The following CBL variants were observed in gnomAD, a reference collection of about 807,000 sequenced individuals.
CBL encodes Cbl proto-oncogene.
Under a neutral mutation model 96.9 loss-of-function variants are expected in CBL, and 45 were observed. The ratio of observed to expected loss-of-function variants is 0.46; its 90% CI spans 0.37 to 0.60. The LOEUF is 0.60. Among genes scored for constraint, CBL ranks in the 20% least tolerant of loss-of-function variants. The probability of loss-of-function intolerance (pLI) is 0.00; values close to 1 mark genes in which losing one functional copy is unlikely to be tolerated. For missense variants in CBL, 1,024 were observed against 1,143.5 expected (o/e 0.90, Z 1.51); for synonymous variants, 420 against 426.8 (o/e 0.98, Z 0.20).
rs2135244285 is a variant in CBL at position 119,206,623 on chromosome 11, G to A, written c.195+11G>A. 1 of 1,546,196 alleles carries A rather than the reference G, an allele frequency of 6.5e-7. No individual in the cohort carries two copies. Among genetic ancestry groups the A allele is most frequent in the Non-Finnish European group, 8.7e-7 (1 of 1,145,480 alleles). On this transcript the variant is annotated intron_variant, in intron 1 of 15. Transcript: ENST00000264033. The stretch of plus-strand genomic sequence containing the variant: ...AAGCTCATGGACAAGGTGAAAGGCC[G>A]GCTGAGCGCCCGCTGTTGCAGGGTG...
chr11:119,242,997 G>A (rs967916087), intron 2 of CBL, among the ~76,000 whole-genome samples: 2 of 152,032 alleles, frequency 1.3e-5, no homozygotes, highest in African/African-American at 4.8e-5. Context: ...AGAATTTTCA[G>A]CCAGGGGTGG....
intron 3 of CBL, 49 bp from the exon 4 acceptor site, chr11:119,273,819 A>C (rs367625252): frequency 1.3e-6 from 2 of 1,535,594 alleles, no homozygotes; most frequent in Non-Finnish European, 1.8e-6. Flanking sequence ...CGATGCCTGG[A>C]ATTATCTCTG....
At chr11:119,259,557 A>C (rs1279517389) in intron 2 of CBL, among the ~76,000 whole-genome samples, 1 of 152,172 alleles carries the variant, frequency 6.6e-6, no homozygotes, top group Non-Finnish European at 1.5e-5. Context: ...TAGGGGCTCT[A>C]ATGTTCAAGT....
At chr11:119,244,585 T>TTTTTTTTTTTTATTTA (rs1949611573) in intron 2 of CBL, among the ~76,000 whole-genome samples, 2 of 140,674 alleles carry the variant, frequency 1.4e-5, no homozygotes, top group African/African-American at 5.4e-5. Context: ...CGGCTAATTT[T>TTTTTTTTTTTTATTTA]TTTTTTTTTT....
chr11:119,282,499 G>A lies in CBL; in HGVS notation c.1432-2470G>A, dbSNP rs190324730. 1.5e-3 allele frequency among the ~76,000 whole-genome samples: 233 copies of A among 152,286 alleles called. 1 individual carries two copies. The highest frequency in any genetic ancestry group is 5.3e-3 in the African/African-American group (221 of 41,554). On this transcript the variant is annotated intron_variant, in intron 9 of 15. Coordinates refer to ENST00000264033, the MANE Select transcript of CBL (RefSeq NM_005188.4). ...GGGGAAAGGATTTAAAGAATGATAC[G>A]GAAGTCGAAATAATCATTAGAATGT...
At position 119,285,196 on chromosome 11, in the gene CBL, C is replaced by T; in HGVS notation, c.1571C>T (p.Ser524Phe). ...TTCACCCTGCTTCCACAGGCTGCTT[C>T]TGGCTCCCTTCATAAAGACAAACCA... The part of the protein sequence containing the change: ...SALGTASKAA[S>F]GSLHKDKPLP... The change falls in exon 11 of 16, where the codon TCT becomes TTT. Residue 524 changes from serine (S) to phenylalanine (F), a missense_variant. Coordinates refer to ENST00000264033, the MANE Select transcript of CBL (RefSeq NM_005188.4). 1 of 1,614,208 alleles carries T rather than the reference C, an allele frequency of 6.2e-7. No individual in the cohort carries two copies. The highest frequency in any genetic ancestry group is 8.5e-7 in the Non-Finnish European group (1 of 1,180,032).
chr11:119,296,254 T>C (rs1950061666), intron 12 of CBL, among the ~76,000 whole-genome samples: 1 of 152,148 alleles, frequency 6.6e-6, no homozygotes, highest in Non-Finnish European at 1.5e-5. Flanking sequence ...TTTTTGTGTG[T>C]CTTTTTTTCC....
intron 1 of CBL, among the ~76,000 whole-genome samples, chr11:119,225,028 G>A (rs992414425): frequency 9.9e-5 from 15 of 151,736 alleles, no homozygotes; most frequent in African/African-American, 3.6e-4. Context: ...CAAGTACTCC[G>A]TTTTATCCTA....
At position 119,278,199 on chromosome 11, in the gene CBL, A is replaced by G. The variant is rs727502914; in HGVS notation, c.1129A>G (p.Thr377Ala). Residue 377 changes from threonine (T) to alanine (A), a missense_variant, in exon 8 of 16, where the codon ACA becomes GCA. By Grantham distance (58) the Thr-to-Ala change is moderately conservative. Around this residue, in one of 4 missense-constraint regions of CBL, gnomAD observed 695 missense variants for 661.6 expected, o/e 1.05. Coordinates refer to ENST00000264033, the MANE Select transcript of CBL (RefSeq NM_005188.4). ...TGAATTATACTGTGAGATGGGCTCC[A>G]CATTCCAACTATGTAAAATATGTGC... ...QYELYCEMGSTFQLCKICAEN... is the reference protein window; with the variant it reads ...QYELYCEMGSAFQLCKICAEN... 1 of 1,610,700 alleles carries G rather than the reference A, an allele frequency of 6.2e-7. No homozygotes were observed. The highest frequency in any genetic ancestry group is 8.5e-7 in the Non-Finnish European group (1 of 1,176,868).
chr11:119,291,304 G>A (rs1950025536), intron 12 of CBL, among the ~76,000 whole-genome samples: 1 of 152,148 alleles, frequency 6.6e-6, no homozygotes, highest in Non-Finnish European at 1.5e-5. Context: ...AGGTTTGCTG[G>A]AGCCCAGGAC....
At position 119,284,951 on chromosome 11, in the gene CBL, AT is replaced by A. The variant is rs771208079; in HGVS notation, c.1432-12del. On this transcript the variant is annotated splice_polypyrimidine_tract_variant and intron_variant, in intron 9 of 15. Coordinates refer to ENST00000264033, the MANE Select transcript of CBL (RefSeq NM_005188.4). ...TCCCCAAACGAAAGTAATCTGTTAA[AT>A]TTTTTATGTACCCTAGGTGGAACGG... 9 of 1,613,760 alleles carry A rather than the reference AT, an allele frequency of 5.6e-6. No individual in the cohort carries two copies. The South Asian group carries it at 6.6e-5, about 12-fold the overall frequency.
At chr11:119,262,145 T>C (rs1716793055) in intron 2 of CBL, among the ~76,000 whole-genome samples, 1 of 152,214 alleles carries the variant, frequency 6.6e-6, no homozygotes, top group Non-Finnish European at 1.5e-5. Flanking sequence ...TGTTATTCTT[T>C]CCATAAACTC....
At chr11:119,253,195 T>C (rs1310993441) in intron 2 of CBL, among the ~76,000 whole-genome samples, 1 of 152,136 alleles carries the variant, frequency 6.6e-6, no homozygotes, top group Non-Finnish European at 1.5e-5. Context: ...AACATCACAT[T>C]GTACCCCATG....
At chr11:119,274,447 T>C (rs1949872394) in intron 4 of CBL, among the ~76,000 whole-genome samples, 1 of 152,236 alleles carries the variant, frequency 6.6e-6, no homozygotes, top group Admixed American at 6.5e-5. Flanking sequence ...TCCTTTCTTT[T>C]TCTCTAAAAA....
At chr11:119,225,771 A>G (rs1592374419) in intron 1 of CBL, among the ~76,000 whole-genome samples, 1 of 108,696 alleles carries the variant, frequency 9.2e-6, no homozygotes, top group South Asian at 3.0e-4. Context: ...CTTGTTGCCC[A>G]TGCTAGAGTG....
chr11:119,273,784 C>T (rs1949866598), intron 3 of CBL, 84 bp from the exon 4 acceptor site: 2 of 1,141,794 alleles, frequency 1.8e-6, no homozygotes. Flanking sequence ...CTTAATGTGG[C>T]TCTCCTTCCT....
chr11:119,252,823 G>A (rs1949680343), intron 2 of CBL, among the ~76,000 whole-genome samples: 1 of 150,338 alleles, frequency 6.7e-6, no homozygotes, highest in East Asian at 2.0e-4. Context: ...GGAGGTTGCA[G>A]TCAGCCGAGG....
intron 1 of CBL, among the ~76,000 whole-genome samples, chr11:119,207,060 A>G (rs190960737): frequency 1.3e-5 from 2 of 152,178 alleles, no homozygotes; most frequent in East Asian, 3.9e-4. Flanking sequence ...TGACTAGGGA[A>G]TTAGGTTCAT....
At chr11:119,218,221 G>A (rs1429317444) in intron 1 of CBL, among the ~76,000 whole-genome samples, 1 of 152,192 alleles carries the variant, frequency 6.6e-6, no homozygotes, top group African/African-American at 2.4e-5. Flanking sequence ...CTTACAATTT[G>A]TGTGATACAA....
Sources: gnomAD v4.1 joint callset for allele counts (sites outside exome capture counted in the v4.1 genomes callset) on GRCh38, gnomAD v4.1.1 for gene constraint, gnomAD v4.1.1 regional missense constraint, MANE v1.5 for transcripts, NCBI Gene and HGNC (gene_info 2026-07-23, HGNC 2026-07-21) for gene names.